Variants in CRTC3 observed in about 807,000 individuals in gnomAD.
CRTC3 encodes the protein CREB-regulated transcription coactivator 3.
CRTC3 carries 26 observed loss-of-function variants against 74.5 expected under a neutral mutation model. That is an observed-to-expected ratio of 0.35 (90% confidence interval 0.26 to 0.48). CRTC3 has a LOEUF of 0.48. Ranked by LOEUF, CRTC3 falls within the 20% of genes least tolerant of loss-of-function variation. The pLI is 0.99. For missense variants in CRTC3, 760 were observed against 787.3 expected, an observed-to-expected ratio of 0.97 and a Z score of 0.41; for synonymous variants, 377 against 325.8, an observed-to-expected ratio of 1.16 and a Z score of -1.69.
chr15:90,617,459 T>C (rs113112760), intron 7 of CRTC3, among the ~76,000 whole-genome samples: 119 of 152,350 alleles, frequency 7.8e-4, no homozygotes, highest in African/African-American at 2.5e-3. Context: ...ACATTTTATT[T>C]GTTAAATCAG....
chr15:90,544,340 T>A (rs1466564677), intron 2 of CRTC3, among the ~76,000 whole-genome samples: 1 of 152,250 alleles, frequency 6.6e-6, no homozygotes, highest in African/African-American at 2.4e-5. Context: ...CCTAATTCAA[T>A]ATGATCTCAC....
At chr15:90,622,336 A>G (rs1199029247) in intron 9 of CRTC3, among the ~76,000 whole-genome samples, 1 of 152,134 alleles carries the variant, frequency 6.6e-6, no homozygotes, top group Non-Finnish European at 1.5e-5. Context: ...GACCTGTTTC[A>G]CAGTGGTCAC....
chr15:90,627,902 C>CCAA (rs398070723), intron 10 of CRTC3, among the ~76,000 whole-genome samples: 35 of 132,156 alleles, frequency 2.6e-4, no homozygotes, highest in Non-Finnish European at 4.1e-4. Flanking sequence ...GCGTGAGCCA[C>CCAA]GCCCAGCCGG....
intron 11 of CRTC3, chr15:90,637,799 G>C (rs1421758503): frequency 6.6e-6 from 1 of 152,370 alleles, no homozygotes; most frequent in African/African-American, 2.4e-5. Context: ...CCTGCTCCCT[G>C]CTGTCCCCAG....
At chr15:90,551,310 TCTTTATC>T (rs1966855803) in intron 2 of CRTC3, among the ~76,000 whole-genome samples, 1 of 138,942 alleles carries the variant, frequency 7.2e-6, no homozygotes, top group South Asian at 2.4e-4. Flanking sequence ...AGGAAGTTTG[TCTTTATC>T]ACTTTCTACC....
chr15:90,587,581 C>G (rs894265272), intron 2 of CRTC3, among the ~76,000 whole-genome samples: 14 of 152,082 alleles, frequency 9.2e-5, no homozygotes, highest in African/African-American at 2.7e-4. Flanking sequence ...ACATAGAGTC[C>G]TATTTACAGG....
At chr15:90,630,756 ATTTTTTTTTTTTTTTTT>A (rs1175467073) in intron 11 of CRTC3, among the ~76,000 whole-genome samples, 11 of 23,654 alleles carry the variant, frequency 4.7e-4, no homozygotes, top group African/African-American at 8.5e-4. Context: ...TTACAGCATC[ATTTTTTTTTTTTTTTTT>A]TTTTTTTTTT....
intron 2 of CRTC3, among the ~76,000 whole-genome samples, chr15:90,565,174 C>T (rs1967097341): frequency 6.6e-6 from 1 of 152,058 alleles, no homozygotes; most frequent in Admixed American, 6.6e-5. Flanking sequence ...TCTTGAACTC[C>T]CGACCTCATG....
At chr15:90,562,503 C>T (rs888269540) in intron 2 of CRTC3, among the ~76,000 whole-genome samples, 3 of 152,098 alleles carry the variant, frequency 2.0e-5, no homozygotes, top group Non-Finnish European at 2.9e-5. Flanking sequence ...ACCTAGGAAA[C>T]GTGTTTTATG....
chr15:90,601,888 CT>C (rs34435998), intron 3 of CRTC3, among the ~76,000 whole-genome samples: 1 of 151,972 alleles, frequency 6.6e-6, no homozygotes, highest in Admixed American at 6.6e-5. Flanking sequence ...TGGGGCACTC[CT>C]TTTTTTTCCA....
At chr15:90,584,457 G>A (rs550494310) in intron 2 of CRTC3, among the ~76,000 whole-genome samples, 56 of 152,032 alleles carry the variant, frequency 3.7e-4, no homozygotes, top group Non-Finnish European at 8.8e-5. Context: ...GGCTGGTCTC[G>A]AACTCCTGAC....
chr15:90,539,785 A>G lies in CRTC3; in HGVS notation c.133-254A>G, dbSNP rs374186759. 16 of 417,416 alleles carry G rather than the reference A, an allele frequency of 3.8e-5. No individual in the cohort carries two copies. In the East Asian group the frequency reaches 7.2e-4, roughly 19 times the overall value. The allele number at this position is 417,416 out of a possible 1,614,324, so 25.9% of individuals were successfully genotyped here. A position where few individuals can be genotyped will look rare whatever the true frequency, so the allele number is the denominator to read the frequency against. On this transcript the variant is annotated intron_variant, in intron 1 of 14. Coordinates refer to ENST00000268184, the MANE Select transcript of CRTC3 (RefSeq NM_022769.5). Reference sequence around the variant, plus strand: ...TATGCCAGTGTATCCAAACATACACACTCAAAGACCTTGCAAGAGGACGTT... The same window carrying G: ...TATGCCAGTGTATCCAAACATACACGCTCAAAGACCTTGCAAGAGGACGTT...
At position 90,530,108 on chromosome 15, in the gene CRTC3, C is replaced by G; in HGVS notation, c.37C>G (p.Arg13Gly). ...GCCGGGCTCGGGCAGCGCCAACCCG[C>G]GGAAGTTCAGTGAGAAGATCGCGCT... is the stretch of plus-strand genomic sequence containing the variant. ...ASPGSGSANPRKFSEKIALHT... is the reference protein window; with the variant it reads ...ASPGSGSANPGKFSEKIALHT... Residue 13 changes from arginine to glycine, a missense_variant, in exon 1 of 15, where the codon CGG becomes GGG. Arg to Gly is a moderately radical substitution (Grantham distance 125). Transcript: ENST00000268184. The surrounding 1 kb of genome is among the most constrained non-coding windows in gnomAD (Gnocchi z 6.2). 6.9e-7 allele frequency: 1 copy of G among 1,455,276 alleles called. No homozygotes were observed. Among genetic ancestry groups the G allele is most frequent in the Non-Finnish European group, 9.2e-7 (1 of 1,088,516 alleles). The allele number at this position is 1,455,276 out of a possible 1,614,324, so 90.1% of individuals were successfully genotyped here. A position where few individuals can be genotyped will look rare whatever the true frequency, so the allele number is the denominator to read the frequency against.
At chr15:90,591,009 C>T (rs1011564843) in intron 2 of CRTC3, among the ~76,000 whole-genome samples, 6 of 152,090 alleles carry the variant, frequency 3.9e-5, no homozygotes, top group South Asian at 2.1e-4. Context: ...GGCTGGAGTG[C>T]GGTGGTGTGA....
chr15:90,596,771 T>C (rs781068141), intron 3 of CRTC3, among the ~76,000 whole-genome samples: 19 of 152,230 alleles, frequency 1.2e-4, no homozygotes, highest in Non-Finnish European at 2.2e-4. Flanking sequence ...GCCTTGAACA[T>C]TTGTCTATGA....
In CRTC3 at chr15:90,530,961, G is replaced by C. The variant is rs1278936009; in HGVS notation, c.132+758G>C. ...GGATGGAGAGCCAACCGGAGTGTCC[G>C]CGCAGGGTTGCAGAGAAGGGGGGTC... On this transcript the variant is annotated intron_variant, in intron 1 of 14. Coordinates refer to ENST00000268184, the MANE Select transcript of CRTC3 (RefSeq NM_022769.5). The surrounding 1 kb of genome is among the most constrained non-coding windows in gnomAD (Gnocchi z 6.2). Among the ~76,000 whole-genome samples the C allele has an allele frequency of 2.0e-5, 3 of 152,094 alleles. No homozygotes were observed. The highest frequency in any genetic ancestry group is 7.2e-5 in the African/African-American group (3 of 41,398).
At chr15:90,623,830 C>T (rs897254290) in intron 9 of CRTC3, among the ~76,000 whole-genome samples, 2 of 152,218 alleles carry the variant, frequency 1.3e-5, no homozygotes, top group African/African-American at 4.8e-5. Flanking sequence ...CCCTCCTAAA[C>T]TCAACCTCCC....
chr15:90,581,617 C>T (rs1596099785), intron 2 of CRTC3, among the ~76,000 whole-genome samples: 2 of 152,222 alleles, frequency 1.3e-5, no homozygotes, highest in African/African-American at 4.8e-5. Flanking sequence ...ATTAAAAAAT[C>T]AAACTTGTTA....
intron 2 of CRTC3, among the ~76,000 whole-genome samples, chr15:90,570,240 ACT>A (rs989282906): frequency 6.6e-6 from 1 of 151,982 alleles, no homozygotes; most frequent in African/African-American, 2.4e-5. Flanking sequence ...CAAAACAGAG[ACT>A]CTACTTCTGT....
Sources: allele counts gnomAD v4.1 joint callset (sites outside exome capture counted in the v4.1 genomes callset), GRCh38; gene constraint gnomAD v4.1.1; non-coding constraint Gnocchi (gnomAD v3.1); transcripts MANE v1.5; gene names NCBI Gene and HGNC (gene_info 2026-07-23, HGNC 2026-07-21).